KANSL2: variants seen among roughly 807,000 people sequenced by gnomAD.
KANSL2 encodes the protein KAT8 regulatory NSL complex subunit 2.
Under a neutral mutation model 55.6 loss-of-function variants are expected in KANSL2, and 34 were observed. That is an observed-to-expected ratio of 0.61 (90% CI 0.46 to 0.81). KANSL2 has a LOEUF of 0.81. Ranked by LOEUF, KANSL2 falls within the 40% of genes least tolerant of loss-of-function variation. KANSL2 has a pLI of 0.00. For missense variants in KANSL2, 502 were observed against 609.9 expected (o/e 0.82, Z 1.86); for synonymous variants, 209 against 214.3 (o/e 0.98, Z 0.22).
chr12:48,656,893 T>C, intron 8 of KANSL2: 2 of 367,432 alleles, frequency 5.4e-6, no homozygotes, highest in South Asian at 4.3e-5. Flanking sequence ...CCAGGAGGTT[T>C]GTACCCCCCT....
At chr12:48,654,417 T>C in intron 9 of KANSL2, 1 of 736,616 alleles carries the variant, frequency 1.4e-6, no homozygotes, top group South Asian at 1.4e-5. Flanking sequence ...CATTCCCTAC[T>C]GAGGTCCCAG....
At chr12:48,679,214 C>A in intron 3 of KANSL2, 64 bp from the exon 4 acceptor site, 1 of 1,052,170 alleles carries the variant, frequency 9.5e-7, no homozygotes, top group Non-Finnish European at 1.5e-6. Flanking sequence ...CCACACAAAA[C>A]TAGATTACTT....
In KANSL2 at chr12:48,678,939, T is replaced by G. The variant is rs1296308899; in HGVS notation, c.545+97A>C. 9.6e-6 allele frequency: 8 copies of G among 830,414 alleles called. No individual in the cohort carries two copies. The African/African-American group carries it at 1.3e-4, about 14-fold the overall frequency. The allele number at this position is 830,414 out of a possible 1,614,324, so 51.4% of individuals were successfully genotyped here. ...CTCTTACTGCTGACAAATAGCTGTCTTCAACCCTCCTAGGTTACTAATTTA... is the reference window on the plus strand; with the variant it reads ...CTCTTACTGCTGACAAATAGCTGTCGTCAACCCTCCTAGGTTACTAATTTA... On this transcript the variant is annotated intron_variant, in intron 4 of 9. Transcript: ENST00000420613.
intron 5 of KANSL2, among the ~76,000 whole-genome samples, chr12:48,670,676 T>A (rs12299955): frequency 0.29 from 44,786 of 152,108 alleles, 7,638 homozygotes; most frequent in East Asian, 0.76. Context: ...TTTTTTTAAG[T>A]TTATAAAGGC....
intron 7 of KANSL2, chr12:48,661,253 GA>G (rs1939482185): frequency 1.0e-6 from 1 of 964,264 alleles, no homozygotes; most frequent in Non-Finnish European, 1.2e-6. Context: ...CCTAAAGGAA[GA>G]AGAAAATTTT....
chr12:48,673,702 C>T (rs1259975338), intron 4 of KANSL2, among the ~76,000 whole-genome samples: 1 of 152,080 alleles, frequency 6.6e-6, no homozygotes, highest in East Asian at 1.9e-4. Flanking sequence ...AATCCCAGCA[C>T]TTTGGGAGGC....
Position 48,669,286 on chromosome 12 carries a change from A to G in KANSL2, c.710-14T>C, listed in dbSNP as rs1592104183. 1 of 1,516,636 alleles carries G rather than the reference A, an allele frequency of 6.6e-7. No homozygotes were observed. Among genetic ancestry groups the G allele is most frequent in the African/African-American group, 1.4e-5 (1 of 71,904 alleles). 93.9% of individuals were successfully genotyped at this position (1,516,636 alleles called of 1,614,324 possible). A position where few individuals can be genotyped will look rare whatever the true frequency, so the allele number is the denominator to read the frequency against. On this transcript the variant is annotated splice_polypyrimidine_tract_variant and intron_variant, in intron 5 of 9. Coordinates refer to ENST00000420613, the MANE Select transcript of KANSL2 (RefSeq NM_017822.4). ...GGAGACTACTGCCTAGAGTTACAAG[A>G]GTCAAGATGTTATTTGCCAAGCAAT...
At chr12:48,660,698 A>G in intron 7 of KANSL2, 79 bp from the exon 8 acceptor site, 1 of 1,424,132 alleles carries the variant, frequency 7.0e-7, no homozygotes, top group South Asian at 1.3e-5. Flanking sequence ...TGCCACATAA[A>G]ACTCAAGGTG....
intron 7 of KANSL2, chr12:48,662,561 A>T (rs1341627185): frequency 2.3e-6 from 3 of 1,279,114 alleles, no homozygotes; most frequent in Non-Finnish European, 2.0e-6. Context: ...TTAACCTACA[A>T]CTAGAGTCTG....
intron 6 of KANSL2, among the ~76,000 whole-genome samples, chr12:48,668,225 T>C (rs1043348703): frequency 5.9e-5 from 9 of 152,354 alleles, no homozygotes; most frequent in East Asian, 1.9e-4. Flanking sequence ...TCCCACCTTT[T>C]AAAACAAGAT....
At chr12:48,679,270 A>C in intron 3 of KANSL2, 120 bp from the exon 4 acceptor site, 1 of 758,520 alleles carries the variant, frequency 1.3e-6, no homozygotes, top group Non-Finnish European at 2.3e-6. Context: ...CAAAAAAAAA[A>C]ACACTTAGTA....
At position 48,681,651 on chromosome 12, in the gene KANSL2, C is replaced by CA; in HGVS notation, c.-9-11dup. On this transcript the variant is annotated splice_polypyrimidine_tract_variant and intron_variant, in intron 1 of 9. Coordinates refer to ENST00000420613, the MANE Select transcript of KANSL2 (RefSeq NM_017822.4). ...TGTTCATAACCAAAACCTGCGGGGT[C>CA]AAACGAAAGACCAAAAAGCCCTTAC... is the stretch of plus-strand genomic sequence containing the variant. 6.2e-7 allele frequency: 1 copy of CA among 1,613,902 alleles called. No homozygotes were observed.
intron 6 of KANSL2, among the ~76,000 whole-genome samples, chr12:48,668,064 T>C (rs945706174): frequency 1.6e-4 from 24 of 152,178 alleles, no homozygotes; most frequent in African/African-American, 5.8e-4. Context: ...AACTCTGAAA[T>C]TGCAGCCTTA....
chr12:48,654,115 C>T lies in KANSL2; in HGVS notation c.1408G>A (p.Ala470Thr). Residue 470 changes from alanine to threonine, a missense_variant, in exon 10 of 10, where the codon GCC (alanine) becomes ACC (threonine). Ala to Thr is a moderately conservative substitution (Grantham distance 58). Coordinates refer to ENST00000420613, the MANE Select transcript of KANSL2 (RefSeq NM_017822.4). ...RSQGSRNSEK[A>T]SAPLSQSGLA... ...CCACTCTGAGACAATGGTGCAGAGG[C>T]TTTCTCAGAATTTCGAGATCCCTGG... The T allele has an allele frequency of 6.2e-7, 1 of 1,613,160 alleles. No individual in the cohort carries two copies. The highest frequency in any genetic ancestry group is 1.3e-5 in the African/African-American group (1 of 75,044).
intron 2 of KANSL2, 126 bp downstream of exon 2, chr12:48,681,256 G>A (rs1158425009): frequency 1.8e-6 from 2 of 1,101,640 alleles, no homozygotes; most frequent in Non-Finnish European, 2.5e-6. Context: ...AGTTTTCCAA[G>A]GATACAACCA....
At chr12:48,677,662 T>A (rs1423696639) in intron 4 of KANSL2, among the ~76,000 whole-genome samples, 1 of 151,442 alleles carries the variant, frequency 6.6e-6, no homozygotes, top group Non-Finnish European at 1.5e-5. Flanking sequence ...GTGCCTATAA[T>A]CCCAGCTACT....
chr12:48,662,736 C>T lies in KANSL2; in HGVS notation c.974-2117G>A, dbSNP rs982207183. ...AAAGAGCATAAAAGGAAAAAAAATACTTCCCTTCTCTTTTCAAATACATTT... is the reference window on the plus strand; with the variant it reads ...AAAGAGCATAAAAGGAAAAAAAATATTTCCCTTCTCTTTTCAAATACATTT... On this transcript the variant is annotated intron_variant, in intron 7 of 9. Transcript: ENST00000420613. The T allele has an allele frequency of 9.0e-6, 8 of 891,904 alleles. No individual in the cohort carries two copies. In the South Asian group the frequency reaches 1.4e-4, roughly 15 times the overall value. The allele number at this position is 891,904 out of a possible 1,614,324, so 55.2% of individuals were successfully genotyped here. A position where few individuals can be genotyped will look rare whatever the true frequency, so the allele number is the denominator to read the frequency against.
intron 8 of KANSL2, among the ~76,000 whole-genome samples, 153 bp downstream of exon 8, chr12:48,660,213 A>G (rs1939462839): frequency 6.6e-6 from 1 of 152,230 alleles, no homozygotes; most frequent in South Asian, 2.1e-4. Context: ...ATTTCTCTAA[A>G]TGAATATGCT....
intron 2 of KANSL2, chr12:48,680,069 C>A: frequency 2.2e-6 from 1 of 445,776 alleles, no homozygotes; most frequent in Non-Finnish European, 4.1e-6. Flanking sequence ...CTTTGGGAGG[C>A]TGAGGCAAGG....
Sources: allele counts gnomAD v4.1 joint callset (sites outside exome capture counted in the v4.1 genomes callset), GRCh38; gene constraint gnomAD v4.1.1; transcripts MANE v1.5; gene names NCBI Gene and HGNC (gene_info 2026-07-23, HGNC 2026-07-21).